ITGAV: variants seen among roughly 807,000 people sequenced by gnomAD.
ITGAV encodes the protein integrin subunit alpha V.
Under a neutral mutation model 143.8 loss-of-function variants are expected in ITGAV, and 76 were observed. The observed-to-expected ratio is 0.53, with a 90% CI of 0.44 to 0.64. ITGAV has a LOEUF of 0.64. Ranked by LOEUF, ITGAV falls within the 30% of genes least tolerant of loss-of-function variation. The pLI is 0.00. For missense variants in ITGAV, 1,193 were observed against 1,274.7 expected, an observed-to-expected ratio of 0.94 and a Z score of 0.98; for synonymous variants, 453 against 446.7, an observed-to-expected ratio of 1.01 and a Z score of -0.18.
At position 186,590,355 on chromosome 2, in the gene ITGAV, G is replaced by T; in HGVS notation, c.17G>T (p.Arg6Leu). The T allele has an allele frequency of 6.3e-7, 1 of 1,583,010 alleles. No individual in the cohort carries two copies. Among genetic ancestry groups the T allele is most frequent in the Admixed American group, 1.8e-5 (1 of 56,570 alleles). Residue 6 changes from arginine to leucine, a missense_variant, in exon 1 of 30, where the codon CGG becomes CTG. Coordinates refer to ENST00000261023, the MANE Select transcript of ITGAV (RefSeq NM_002210.5). ...ACTTCGGCGATGGCTTTTCCGCCGC[G>T]GCGACGGCTGCGCCTCGGTCCCCGC... is the stretch of plus-strand genomic sequence containing the variant. MAFPP[R>L]RRLRLGPRGL...
At chr2:186,661,706 C>A (rs1186629758) in intron 18 of ITGAV, among the ~76,000 whole-genome samples, 4 of 151,748 alleles carry the variant, frequency 2.6e-5, no homozygotes, top group Non-Finnish European at 5.9e-5. Flanking sequence ...AAGCGATTAC[C>A]CTGCCTCAGC....
intron 18 of ITGAV, among the ~76,000 whole-genome samples, chr2:186,661,509 G>T (rs1203516120): frequency 6.6e-6 from 1 of 151,800 alleles, no homozygotes; most frequent in Non-Finnish European, 1.5e-5. Context: ...ATCCTTTGGT[G>T]TTAGAGATTT....
intron 2 of ITGAV, among the ~76,000 whole-genome samples, chr2:186,606,735 T>C (rs892187050): frequency 5.9e-5 from 9 of 152,204 alleles, no homozygotes; most frequent in African/African-American, 1.9e-4. Flanking sequence ...TTTACATCCA[T>C]GATTTTTGAA....
chr2:186,612,651 C>T (rs1046770855), intron 2 of ITGAV, among the ~76,000 whole-genome samples: 4 of 152,080 alleles, frequency 2.6e-5, no homozygotes, highest in African/African-American at 9.7e-5. Context: ...GAATATAAAA[C>T]ATTTAGCTGT....
chr2:186,630,030 C>G (rs1687774209), intron 4 of ITGAV, among the ~76,000 whole-genome samples: 1 of 152,064 alleles, frequency 6.6e-6, no homozygotes, highest in African/African-American at 2.4e-5. Context: ...TTGGAAAATA[C>G]TTGAAAGTAT....
At chr2:186,651,944 T>G in intron 14 of ITGAV, 38 bp from the exon 15 acceptor site, 1 of 1,259,106 alleles carries the variant, frequency 7.9e-7, no homozygotes. Context: ...ACTTTTTAAA[T>G]AATTTTTTAC....
chr2:186,673,546 G>A (rs756538957), intron 26 of ITGAV, among the ~76,000 whole-genome samples: 5 of 151,820 alleles, frequency 3.3e-5, no homozygotes, highest in Non-Finnish European at 5.9e-5. Flanking sequence ...ATGTCTTTCT[G>A]TTTATTTATT....
intron 12 of ITGAV, among the ~76,000 whole-genome samples, chr2:186,642,054 G>C (rs1193025697): frequency 1.3e-5 from 2 of 152,170 alleles, no homozygotes; most frequent in Non-Finnish European, 2.9e-5. Context: ...TGTTGTAGCT[G>C]TCCAAAATGT....
At chr2:186,658,927 A>G in intron 17 of ITGAV, 111 bp from the exon 18 acceptor site, 1 of 618,912 alleles carries the variant, frequency 1.6e-6, no homozygotes, top group Non-Finnish European at 2.7e-6. Flanking sequence ...GAATGTTGTT[A>G]GAATTGAAGG....
intron 2 of ITGAV, among the ~76,000 whole-genome samples, chr2:186,616,951 A>G (rs972112320): frequency 2.0e-5 from 3 of 152,014 alleles, no homozygotes; most frequent in African/African-American, 7.2e-5. Flanking sequence ...TGATGTTTGA[A>G]GTAAAAAGCT....
At chr2:186,670,154 G>T (rs1331135940) in intron 26 of ITGAV, among the ~76,000 whole-genome samples, 1 of 152,120 alleles carries the variant, frequency 6.6e-6, no homozygotes, top group East Asian at 1.9e-4. Flanking sequence ...AAATACATTG[G>T]AATAATAATT....
intron 2 of ITGAV, among the ~76,000 whole-genome samples, chr2:186,608,091 C>T (rs1384526882): frequency 6.6e-6 from 1 of 152,084 alleles, no homozygotes; most frequent in Non-Finnish European, 1.5e-5. Context: ...CGTCACCTGG[C>T]GGGGCAAAGA....
intron 2 of ITGAV, among the ~76,000 whole-genome samples, chr2:186,621,948 A>G (rs560837948): frequency 7.2e-5 from 11 of 152,296 alleles, no homozygotes; most frequent in African/African-American, 2.6e-4. Flanking sequence ...ATTTTACACA[A>G]AGGTGTTTCA....
intron 1 of ITGAV, among the ~76,000 whole-genome samples, chr2:186,592,814 A>G (rs1049797510): frequency 2.0e-5 from 3 of 152,216 alleles, no homozygotes; most frequent in African/African-American, 7.2e-5. Flanking sequence ...CCGATAGACT[A>G]CAGAGCTCTA....
At position 186,643,901 on chromosome 2, in the gene ITGAV, C is replaced by T. The variant is rs143006907; in HGVS notation, c.1159+2313C>T. Reference sequence around the variant, plus strand: ...TAATTTTTATTAAACAGTCACTCAACGTTGGAGCCATCTTTTGTTGCAAAA... The same window carrying T: ...TAATTTTTATTAAACAGTCACTCAATGTTGGAGCCATCTTTTGTTGCAAAA... On this transcript the variant is annotated intron_variant, in intron 12 of 29. Coordinates refer to ENST00000261023, the MANE Select transcript of ITGAV (RefSeq NM_002210.5). Among the ~76,000 whole-genome samples, 325 of 152,250 alleles carry T rather than the reference C, an allele frequency of 2.1e-3. 1 individual carries two copies. Among genetic ancestry groups the T allele is most frequent in the African/African-American group, 7.5e-3 (312 of 41,556 alleles).
At chr2:186,621,138 G>T (rs16828115) in intron 2 of ITGAV, among the ~76,000 whole-genome samples, 3,591 of 152,038 alleles carry the variant, frequency 0.024, 149 homozygotes, top group African/African-American at 0.082. Context: ...GTGTTAAAAG[G>T]GTAAGAAGGT....
intron 1 of ITGAV, among the ~76,000 whole-genome samples, chr2:186,590,994 C>G (rs917421204): frequency 1.3e-5 from 2 of 152,216 alleles, no homozygotes; most frequent in Non-Finnish European, 2.9e-5. Context: ...CCCACTCTTT[C>G]CGCCTCTGTC....
Position 186,646,879 on chromosome 2 carries a change from T to C in ITGAV, c.1351+2T>C. ...ATATAGACAAAAATGGATATCCAGG[T>C]GCTTTCTTATCAACACATAGAGCCC... On this transcript the variant is annotated splice_donor_variant, in intron 13 of 29. Transcript: ENST00000261023. LOFTEE classifies it high-confidence loss of function. 1 of 1,572,168 alleles carries C rather than the reference T, an allele frequency of 6.4e-7. No homozygotes were observed. The highest frequency in any genetic ancestry group is 8.7e-7 in the Non-Finnish European group (1 of 1,152,616).
chr2:186,649,082 TC>T (rs200321052), intron 13 of ITGAV, among the ~76,000 whole-genome samples: 2,762 of 149,510 alleles, frequency 0.018, 140 homozygotes, highest in African/African-American at 0.065. Context: ...TTTTTGTGTC[TC>T]TTTTTTCTTC....
Sources: allele counts gnomAD v4.1 joint callset (sites outside exome capture counted in the v4.1 genomes callset), GRCh38; gene constraint gnomAD v4.1.1; transcripts MANE v1.5; gene names NCBI Gene and HGNC (gene_info 2026-07-23, HGNC 2026-07-21).